NPC1: variants seen among roughly 807,000 people sequenced by gnomAD.
NPC1 encodes the protein Niemann-Pick C1 protein.
NPC1 carries 85 observed loss-of-function variants against 140.4 expected under a neutral mutation model. That is an observed-to-expected ratio of 0.61 (90% CI 0.51 to 0.72). The LOEUF is 0.72. Among genes scored for constraint, NPC1 ranks in the 30% least tolerant of loss-of-function variants. NPC1 has a pLI of 0.00. For synonymous variants in NPC1, 656 were observed against 624.8 expected (o/e 1.05, Z -0.74); for missense variants, 1,504 against 1,623.8 (o/e 0.93, Z 1.27).
downstream of NPC1, chr18:23,530,436 A>G (rs1358230446): frequency 6.2e-7 from 1 of 1,614,276 alleles, no homozygotes; most frequent in Non-Finnish European, 8.5e-7. Context: ...CTTTCCAAAC[A>G]CCAAGTGTTA....
intron 11 of NPC1, 130 bp downstream of exon 11, chr18:23,547,876 C>T: frequency 1.3e-6 from 1 of 772,646 alleles, no homozygotes; most frequent in South Asian, 1.4e-5. Context: ...ATCATTAGTA[C>T]CAAGTGAACA....
chr18:23,582,779 T>C (rs987946176), intron 1 of NPC1, among the ~76,000 whole-genome samples: 7 of 142,548 alleles, frequency 4.9e-5, no homozygotes, highest in African/African-American at 1.9e-4. Flanking sequence ...CGCTCCAGCC[T>C]GGGCAACCAA....
intron 20 of NPC1, 106 bp downstream of exon 20, chr18:23,538,436 G>A (rs1372370938): frequency 2.9e-6 from 4 of 1,381,310 alleles, no homozygotes; most frequent in African/African-American, 1.4e-5. Context: ...GGGTGGGGCG[G>A]AGAAGAGACG....
Position 23,557,147 on chromosome 18 carries a change from T to G in NPC1, c.925A>C (p.Ile309Leu). The G allele has an allele frequency of 6.2e-7, 1 of 1,613,852 alleles. No homozygotes were observed. The change falls in exon 7 of 25, where the codon ATA becomes CTA. Residue 309 changes from isoleucine (I) to leucine (L), a missense_variant. By Grantham distance (5) the Ile-to-Leu change is conservative. Transcript: ENST00000269228. ...TCACTTGCATTAACAGAAAAAGCTA[T>G]ATTGCTATCGATGGGAGTGTACTCG... ...VSEYTPIDSN[I>L]AFSVNASDKG...
intron 2 of NPC1, among the ~76,000 whole-genome samples, chr18:23,572,765 C>T (rs911692438): frequency 1.3e-5 from 2 of 152,218 alleles, no homozygotes; most frequent in East Asian, 1.9e-4. Context: ...CTCAGGAGGT[C>T]GAGGACACAG....
chr18:23,530,036 A>T, downstream of NPC1: 1 of 1,613,640 alleles, frequency 6.2e-7, no homozygotes, highest in South Asian at 1.1e-5. Context: ...AGCATTACCT[A>T]CATGAACTTG....
downstream of NPC1, among the ~76,000 whole-genome samples, chr18:23,518,105 C>G (rs543021268): frequency 3.9e-5 from 6 of 152,382 alleles, no homozygotes; most frequent in African/African-American, 1.4e-4. Context: ...TTGGTCTCCT[C>G]CTTGTCCCTG....
rs1180564233 is a variant in NPC1 at position 23,543,318 on chromosome 18, G to A, written c.2245+137C>T. The A allele has an allele frequency of 5.8e-4, 340 of 584,184 alleles. 3 individuals are homozygous for A. Among genetic ancestry groups the A allele is most frequent in the Admixed American group, 1.7e-4 (5 of 30,222 alleles). 36.2% of individuals were successfully genotyped at this position (584,184 alleles called of 1,614,324 possible). ...CACTCCAGCCTGGGTGGCAGAGTGA[G>A]ACTCCGTCTCAGAGAAAAAAAAAAA... On this transcript the variant is annotated intron_variant, in intron 14 of 24. Transcript: ENST00000269228.
chr18:23,538,085 C>T (rs561613312), intron 20 of NPC1, among the ~76,000 whole-genome samples: 2 of 152,298 alleles, frequency 1.3e-5, no homozygotes, highest in East Asian at 3.9e-4. Flanking sequence ...GCCCATAACC[C>T]TATACATGGA....
chr18:23,512,561 C>G (rs2057890284), intron 3 of NPC1, among the ~76,000 whole-genome samples: 1 of 151,846 alleles, frequency 6.6e-6, no homozygotes, highest in African/African-American at 2.4e-5. Flanking sequence ...GCTGGAACTA[C>G]AGGTGTGTGC....
chr18:23,527,940 C>G (rs766090870), downstream of NPC1: 17 of 1,462,790 alleles, frequency 1.2e-5, no homozygotes, highest in Admixed American at 9.5e-5. Context: ...CCTCCTCCCC[C>G]ACCCCCTCCC....
downstream of NPC1, among the ~76,000 whole-genome samples, chr18:23,520,726 G>A (rs1169687839): frequency 6.6e-6 from 1 of 151,976 alleles, no homozygotes; most frequent in Non-Finnish European, 1.5e-5. Context: ...ACCTCCACCT[G>A]TCTGTCACAA....
intron 1 of NPC1, among the ~76,000 whole-genome samples, chr18:23,578,385 G>T (rs958907209): frequency 1.3e-5 from 2 of 152,186 alleles, no homozygotes; most frequent in African/African-American, 4.8e-5. Flanking sequence ...GCTGCATCAT[G>T]AAAGTCCTCC....
At chr18:23,532,514 T>A (rs2058545976) in intron 24 of NPC1, among the ~76,000 whole-genome samples, 1 of 152,100 alleles carries the variant, frequency 6.6e-6, no homozygotes, top group African/African-American at 2.4e-5. Flanking sequence ...ACTCACTGCA[T>A]CCTAAGCCCA....
chr18:23,526,908 C>A, downstream of NPC1: 1 of 1,130,672 alleles, frequency 8.8e-7, no homozygotes, highest in Non-Finnish European at 1.2e-6. Context: ...GCTATGTGAC[C>A]CCCTAGGAAA....
downstream of NPC1, chr18:23,527,813 G>A: frequency 6.2e-7 from 1 of 1,614,070 alleles, no homozygotes; most frequent in Non-Finnish European, 8.5e-7. Context: ...GAGTCAGACA[G>A]AGCATCGCTG....
At chr18:23,529,097 A>G (rs111240029), downstream of NPC1, 4 of 1,539,482 alleles carry the variant, frequency 2.6e-6, no homozygotes, top group African/African-American at 4.1e-5. Flanking sequence ...ACATCGAAGA[A>G]TTCAGTCCTT....
chr18:23,552,298 AAAAT>A (rs1310055134), intron 9 of NPC1, among the ~76,000 whole-genome samples: 2 of 152,182 alleles, frequency 1.3e-5, no homozygotes, highest in African/African-American at 4.8e-5. Context: ...CTCTAAAAAA[AAAAT>A]AATAATAATT....
chr18:23,569,432 C>CCCA (rs2145529387), intron 3 of NPC1, among the ~76,000 whole-genome samples: 1 of 152,268 alleles, frequency 6.6e-6, no homozygotes, highest in Non-Finnish European at 1.5e-5. Flanking sequence ...AAGCAATCCT[C>CCCA]CCACCTCAGC....
Sources: allele counts gnomAD v4.1 joint callset (sites outside exome capture counted in the v4.1 genomes callset), GRCh38; gene constraint gnomAD v4.1.1; transcripts MANE v1.5; gene names NCBI Gene and HGNC (gene_info 2026-07-23, HGNC 2026-07-21).